The following PCDHA2 variants were observed in gnomAD, a reference collection of about 807,000 sequenced individuals.
PCDHA2 encodes protocadherin alpha 2.
PCDHA2 carries 58 observed loss-of-function variants against 66.0 expected under a neutral mutation model. The observed-to-expected ratio is 0.88, with a 90% CI of 0.71 to 1.09. The LOEUF (loss-of-function observed/expected upper bound fraction) is 1.09. PCDHA2 is among the 50% of genes least tolerant of loss of function. The pLI, the probability that PCDHA2 is intolerant of heterozygous loss-of-function variation, is 0.00. For synonymous variants in PCDHA2, 634 were observed against 554.0 expected, an observed-to-expected ratio of 1.14 and a Z score of -2.03; for missense variants, 1,267 against 1,242.3, an observed-to-expected ratio of 1.02 and a Z score of -0.30.
chr5:140,822,225 G>C, intron 1 of PCDHA2: 1 of 1,614,254 alleles, frequency 6.2e-7, no homozygotes, highest in Non-Finnish European at 8.5e-7. Context: ...CAGATTCGCG[G>C]TTTCCGCTAG....
chr5:140,884,556 GC>G, intron 1 of PCDHA2: 2 of 1,614,154 alleles, frequency 1.2e-6, no homozygotes, highest in Non-Finnish European at 1.7e-6. Flanking sequence ...TCTGGGGAGG[GC>G]CCGCATAAGA....
intron 1 of PCDHA2, chr5:140,856,273 G>A (rs1554148468): frequency 6.3e-7 from 1 of 1,598,340 alleles, no homozygotes; most frequent in Admixed American, 1.7e-5. Context: ...ACCTTCTGGA[G>A]GTAAATCTGC....
intron 1 of PCDHA2, chr5:140,856,365 A>C: frequency 3.1e-6 from 5 of 1,598,426 alleles, no homozygotes; most frequent in Non-Finnish European, 2.6e-6. Flanking sequence ...ATCCACCTGG[A>C]GGTGATCGTG....
At chr5:140,799,126 T>C (rs1177983344) in intron 1 of PCDHA2, among the ~76,000 whole-genome samples, 1 of 152,198 alleles carries the variant, frequency 6.6e-6, no homozygotes, top group African/African-American at 2.4e-5. Context: ...TTTACATTTT[T>C]TCTTGGTTGT....
chr5:141,001,114 A>G (rs1456437716), intron 3 of PCDHA2, among the ~76,000 whole-genome samples: 4 of 152,062 alleles, frequency 2.6e-5, no homozygotes, highest in Non-Finnish European at 4.4e-5. Flanking sequence ...TAAGCAATCA[A>G]TAGTCCTTAA....
chr5:140,818,593 T>C, intron 1 of PCDHA2, among the ~76,000 whole-genome samples: 1 of 152,100 alleles, frequency 6.6e-6, no homozygotes, highest in South Asian at 2.1e-4. Flanking sequence ...TCCCAACACC[T>C]GTGTGGGCCA....
chr5:140,989,563 C>A (rs1399360475), intron 3 of PCDHA2, among the ~76,000 whole-genome samples: 1 of 152,118 alleles, frequency 6.6e-6, no homozygotes, highest in Non-Finnish European at 1.5e-5. Flanking sequence ...TTTTGTGGCT[C>A]CGGCAAGCCC....
At chr5:140,870,643 G>T (rs782549928) in intron 1 of PCDHA2, 6 of 1,612,796 alleles carry the variant, frequency 3.7e-6, no homozygotes, top group Non-Finnish European at 5.1e-6. Flanking sequence ...CGCGGAGAGC[G>T]GCAAGGTGTA....
At chr5:140,912,897 G>GT (rs1364534308) in intron 1 of PCDHA2, among the ~76,000 whole-genome samples, 12 of 152,290 alleles carry the variant, frequency 7.9e-5, no homozygotes, top group Admixed American at 3.3e-4. Context: ...TTGATATGAT[G>GT]TATCATATTG....
In PCDHA2 at chr5:140,868,996, G is replaced by A. The variant is rs2050789342; in HGVS notation, c.2388+71644G>A. ...CATCATACCGGATGCCACCGTTTAA[G>A]GATCCTTTGAAACTTCTTAAGAATT... is the stretch of plus-strand genomic sequence containing the variant. On this transcript the variant is annotated intron_variant, in intron 1 of 3. Transcript: ENST00000526136. The A allele has an allele frequency of 2.6e-6, 4 of 1,516,490 alleles. No individual in the cohort carries two copies. The African/African-American group carries it at 4.2e-5, about 16-fold the overall frequency. 93.9% of individuals were successfully genotyped at this position (1,516,490 alleles called of 1,614,324 possible).
intron 1 of PCDHA2, chr5:140,829,046 C>T (rs2150162112): frequency 6.2e-7 from 1 of 1,612,900 alleles, no homozygotes; most frequent in Non-Finnish European, 8.5e-7. Context: ...ATACAAAATC[C>T]TCATTGACGC....
chr5:140,958,053 G>A (rs2095406506), intron 1 of PCDHA2, among the ~76,000 whole-genome samples: 1 of 152,030 alleles, frequency 6.6e-6, no homozygotes. Context: ...ATAGAAAAAA[G>A]AGAGAAAAAA....
chr5:140,828,095 G>A (rs2150150878), intron 1 of PCDHA2: 2 of 1,604,514 alleles, frequency 1.2e-6, no homozygotes, highest in African/African-American at 1.3e-5. Flanking sequence ...ATTTGACATG[G>A]TGTTTACCCC....
chr5:140,886,368 C>A (rs1174734883), intron 1 of PCDHA2, among the ~76,000 whole-genome samples: 1 of 152,040 alleles, frequency 6.6e-6, no homozygotes, highest in Non-Finnish European at 1.5e-5. Flanking sequence ...GGTGTACATG[C>A]CATGGTGTGC....
chr5:140,945,322 T>C (rs1311724084), intron 1 of PCDHA2, among the ~76,000 whole-genome samples: 9 of 152,096 alleles, frequency 5.9e-5, no homozygotes, highest in Admixed American at 5.2e-4. Context: ...AATGGAAATA[T>C]ATTTTATGTT....
At chr5:140,829,657 G>A (rs1554132157) in intron 1 of PCDHA2, 2 of 1,612,592 alleles carry the variant, frequency 1.2e-6, no homozygotes, top group Non-Finnish European at 1.7e-6. Flanking sequence ...CGCTGCAGCC[G>A]CTGGACCACG....
chr5:140,821,833 C>A, intron 1 of PCDHA2: 1 of 1,614,122 alleles, frequency 6.2e-7, no homozygotes, highest in Non-Finnish European at 8.5e-7. Flanking sequence ...CTGGCTTCTC[C>A]TTGCCTACTG....
chr5:140,798,229 A>G (rs1271267483), intron 1 of PCDHA2, among the ~76,000 whole-genome samples: 1 of 152,174 alleles, frequency 6.6e-6, no homozygotes, highest in Non-Finnish European at 1.5e-5. Flanking sequence ...AATTTCCAAA[A>G]GTATGTAGCA....
intron 1 of PCDHA2, chr5:140,851,704 T>C (rs1454502056): frequency 2.1e-6 from 2 of 950,842 alleles, no homozygotes; most frequent in African/African-American, 1.8e-5. Context: ...TGATCAGCCA[T>C]GTGAAGATTC....
Sources: allele counts gnomAD v4.1 joint callset (sites outside exome capture counted in the v4.1 genomes callset), GRCh38; gene constraint gnomAD v4.1.1; transcripts MANE v1.5; gene names NCBI Gene and HGNC (gene_info 2026-07-23, HGNC 2026-07-21).